The following RIC3 variants were observed in gnomAD, a reference collection of about 807,000 sequenced individuals.
RIC3 encodes the protein RIC3 acetylcholine receptor chaperone.
In RIC3, 28 loss-of-function variants were observed where a neutral mutation model predicts 27.3. That is an observed-to-expected ratio of 1.02 (90% CI 0.76 to 1.41). The LOEUF (loss-of-function observed/expected upper bound fraction) is 1.41, where lower values mean the gene tolerates loss of function less well. Among genes scored for constraint, RIC3 ranks in the 40% most tolerant of loss-of-function variants. The pLI, the probability that RIC3 is intolerant of heterozygous loss-of-function variation, is 0.00. For missense variants in RIC3, 501 were observed against 444.7 expected, an observed-to-expected ratio of 1.13 and a Z score of -1.14; for synonymous variants, 184 against 160.4, an observed-to-expected ratio of 1.15 and a Z score of -1.11.
intron 1 of RIC3, among the ~76,000 whole-genome samples, chr11:8,143,489 T>C (rs1949300617): frequency 6.6e-6 from 1 of 151,370 alleles, no homozygotes; most frequent in African/African-American, 2.4e-5. Context: ...AAGGACCTCT[T>C]CAAGGAGAAC....
chr11:8,126,600 T>C, intron 5 of RIC3, 59 bp downstream of exon 5: 1 of 1,590,384 alleles, frequency 6.3e-7, no homozygotes, highest in Non-Finnish European at 8.6e-7. Flanking sequence ...TTTTTAAAAA[T>C]CTGTAACATC....
intron 1 of RIC3, among the ~76,000 whole-genome samples, chr11:8,146,257 T>C (rs772569115): frequency 2.6e-5 from 4 of 152,212 alleles, no homozygotes; most frequent in Non-Finnish European, 5.9e-5. Context: ...CATGAATACA[T>C]CTTTAAAAAC....
chr11:8,148,913 G>C (rs1448111091), intron 1 of RIC3, among the ~76,000 whole-genome samples: 2 of 151,558 alleles, frequency 1.3e-5, no homozygotes, highest in African/African-American at 2.4e-5. Flanking sequence ...GGGCGCAGTG[G>C]CTCACACCTG....
At chr11:8,093,911 A>G in the RIC3 span, 1 of 984,168 alleles carries the variant, frequency 1.0e-6, no homozygotes, top group Non-Finnish European at 1.5e-6. Context: ...TGTGGGCTGT[A>G]GAAGTGGTAC....
At position 8,128,283 on chromosome 11, in the gene RIC3, C is replaced by T. The variant is rs1176365018; in HGVS notation, c.522-1476G>A. 12 of 457,192 alleles carry T rather than the reference C, an allele frequency of 2.6e-5. 1 individual carries two copies. Among genetic ancestry groups the T allele is most frequent in the Admixed American group, 9.4e-5 (4 of 42,552 alleles). 28.3% of individuals were successfully genotyped at this position (457,192 alleles called of 1,614,324 possible). Reference sequence around the variant, plus strand: ...TTACTTTTCCAGACTGTACGCAGGGCATTCTGATCTTCAATGAATGAAACA... The same window carrying T: ...TTACTTTTCCAGACTGTACGCAGGGTATTCTGATCTTCAATGAATGAAACA... On this transcript the variant is annotated intron_variant, in intron 4 of 5. Transcript: ENST00000309737.
chr11:8,146,817 T>C (rs942989034), intron 1 of RIC3, among the ~76,000 whole-genome samples: 1 of 152,214 alleles, frequency 6.6e-6, no homozygotes, highest in African/African-American at 2.4e-5. Flanking sequence ...TCTAAAGACC[T>C]GGGATCAACA....
downstream of RIC3, chr11:8,101,837 TGAGA>T: frequency 4.5e-6 from 3 of 670,694 alleles, no homozygotes; most frequent in Non-Finnish European, 7.1e-6. Context: ...TGTGAAGGGA[TGAGA>T]ATAATTCTTT....
At chr11:8,100,877 A>G in the RIC3 span, 2 of 1,614,212 alleles carry the variant, frequency 1.2e-6, no homozygotes, top group Non-Finnish European at 1.7e-6. Context: ...GGAGAGTATC[A>G]TCGAGCTGCA....
rs968065606 is a variant in RIC3 at position 8,168,970 on chromosome 11, T to C, written c.20A>G (p.Gln7Arg). The C allele has an allele frequency of 3.7e-6, 6 of 1,603,526 alleles. No homozygotes were observed. The highest frequency in any genetic ancestry group is 5.1e-6 in the Non-Finnish European group (6 of 1,175,616). MAYSTV[Q>R]RVALASGLVL... ...AAGCCCAGAAGCCAGAGCGACTCTC[T>C]GCACTGTGGAGTACGCCATGACTGC... Residue 7 changes from glutamine (Q) to arginine (R), a missense_variant, in exon 1 of 6, where the codon CAG becomes CGG. Transcript: ENST00000309737.
At chr11:8,105,475 G>GATAGATTACGACAGGTTTGGTTTTTA (rs1440874601), downstream of RIC3, 10 of 152,154 alleles carry the variant, frequency 6.6e-5, no homozygotes, top group African/African-American at 2.4e-4. Context: ...GGGCAGAACA[G>GATAGATTACGACAGGTTTGGTTTTTA]ATAGATTACG....
chr11:8,146,785 G>A (rs1166787364), intron 1 of RIC3, among the ~76,000 whole-genome samples: 2 of 152,138 alleles, frequency 1.3e-5, no homozygotes, highest in African/African-American at 2.4e-5. Context: ...AAAATTTTCT[G>A]GTTGACAATT....
chr11:8,138,446 T>A (rs1364841434), intron 2 of RIC3, 99 bp from the exon 3 acceptor site: 30 of 686,662 alleles, frequency 4.4e-5, no homozygotes, highest in Non-Finnish European at 6.4e-5. Flanking sequence ...GAAACAAAAA[T>A]GAAGGTCAGA....
intron 1 of RIC3, among the ~76,000 whole-genome samples, chr11:8,162,269 A>G (rs1444576048): frequency 1.3e-5 from 2 of 152,216 alleles, no homozygotes; most frequent in African/African-American, 4.8e-5. Context: ...ACACAAGTCA[A>G]TAAATTCCCT....
the RIC3 span, among the ~76,000 whole-genome samples, chr11:8,093,193 G>A: frequency 6.6e-6 from 1 of 151,986 alleles, no homozygotes; most frequent in East Asian, 1.9e-4. Flanking sequence ...CGTCCCTCGG[G>A]AGGTGACATC....
intron 1 of RIC3, among the ~76,000 whole-genome samples, chr11:8,148,068 T>C (rs1303449330): frequency 6.6e-6 from 1 of 152,216 alleles, no homozygotes; most frequent in Non-Finnish European, 1.5e-5. Flanking sequence ...ACTCTGCTCC[T>C]GAGGTAAGAA....
At chr11:8,113,947 T>C (rs1056722736) in intron 5 of RIC3, among the ~76,000 whole-genome samples, 10 of 152,148 alleles carry the variant, frequency 6.6e-5, no homozygotes, top group Non-Finnish European at 8.8e-5. Context: ...GGCTTTGGGA[T>C]AGCCTCTCTG....
the RIC3 span, among the ~76,000 whole-genome samples, chr11:8,096,168 G>A: frequency 4.6e-4 from 70 of 152,328 alleles, no homozygotes; most frequent in East Asian, 1.9e-3. Context: ...AATGGCAGGC[G>A]GGAGGACAGC....
At chr11:8,148,643 T>C (rs1457976147) in intron 1 of RIC3, among the ~76,000 whole-genome samples, 3 of 151,138 alleles carry the variant, frequency 2.0e-5, no homozygotes, top group East Asian at 3.9e-4. Flanking sequence ...CTTTTATAGA[T>C]CTGTCAGCCA....
chr11:8,095,496 A>C, the RIC3 span: 1 of 1,606,660 alleles, frequency 6.2e-7, no homozygotes, highest in Admixed American at 1.7e-5. Flanking sequence ...CGTGGCCTGC[A>C]GGCACCAGCG....
Sources: allele counts gnomAD v4.1 joint callset (sites outside exome capture counted in the v4.1 genomes callset), GRCh38; gene constraint gnomAD v4.1.1; transcripts MANE v1.5; gene names NCBI Gene and HGNC (gene_info 2026-07-23, HGNC 2026-07-21).